The following SSH2 variants were observed in gnomAD, a reference collection of about 807,000 sequenced individuals.
The protein encoded by SSH2 is slingshot protein phosphatase 2, also known as protein phosphatase Slingshot homolog 2.
SSH2 carries 37 observed loss-of-function variants against 135.2 expected under a neutral mutation model. The ratio of observed to expected loss-of-function variants is 0.27; its 90% CI spans 0.21 to 0.36. SSH2 has a LOEUF of 0.36. Ranked by LOEUF, SSH2 falls within the 10% of genes least tolerant of loss-of-function variation. The probability of loss-of-function intolerance (pLI) is 1.00; values close to 1 mark genes in which losing one functional copy is unlikely to be tolerated. For synonymous variants in SSH2, 628 were observed against 646.2 expected (o/e 0.97, Z 0.43); for missense variants, 1,408 against 1,765.3 (o/e 0.80, Z 3.63).
At chr17:29,842,473 A>G (rs76515799) in intron 2 of SSH2, among the ~76,000 whole-genome samples, 58,281 of 147,650 alleles carry the variant, frequency 0.39, 14,075 homozygotes, top group East Asian at 0.69. Context: ...AAAAAAAAAG[A>G]TCATCAGGTG....
At chr17:29,919,670 G>A (rs1316313400) in intron 1 of SSH2, among the ~76,000 whole-genome samples, 1 of 151,602 alleles carries the variant, frequency 6.6e-6, no homozygotes, top group African/African-American at 2.4e-5. Flanking sequence ...TTGGGCAAAG[G>A]GGCTCATCAA....
intron 1 of SSH2, among the ~76,000 whole-genome samples, chr17:29,881,703 T>G (rs997683258): frequency 6.6e-6 from 1 of 152,134 alleles, no homozygotes; most frequent in Admixed American, 6.5e-5. Context: ...GGTTTCACCA[T>G]GTTGACCAGG....
rs541882424 is a variant in SSH2, at chr17:29,691,960, G to A, written c.357+3499C>T. On this transcript the variant is annotated intron_variant, in intron 5 of 15. Transcript: ENST00000540801. ...TCAAGACCAGCCTGGCCAACATGGT[G>A]AAAGCCTGTCTCTACTACAAATACA... 2.6e-5 allele frequency among the ~76,000 whole-genome samples: 4 copies of A among 151,402 alleles called. No homozygotes were observed. In the East Asian group the frequency reaches 7.9e-4, roughly 30 times the overall value.
intron 2 of SSH2, among the ~76,000 whole-genome samples, chr17:29,794,743 A>T (rs1029829072): frequency 6.2e-4 from 94 of 152,216 alleles, no homozygotes; most frequent in Non-Finnish European, 2.2e-4. Flanking sequence ...AGCAAAAGGG[A>T]AATAAGCTGT....
chr17:29,762,953 A>T (rs188138525), intron 3 of SSH2, among the ~76,000 whole-genome samples: 136 of 152,360 alleles, frequency 8.9e-4, no homozygotes, highest in African/African-American at 3.1e-3. Flanking sequence ...AACCAATTAG[A>T]TTAAAATTAG....
chr17:29,892,327 G>A (rs2066365837), intron 1 of SSH2, among the ~76,000 whole-genome samples: 1 of 151,322 alleles, frequency 6.6e-6, no homozygotes, highest in African/African-American at 2.4e-5. Flanking sequence ...ATGCCCCAAA[G>A]TTTATAAACT....
intron 3 of SSH2, among the ~76,000 whole-genome samples, chr17:29,739,838 A>G (rs1361854009): frequency 3.3e-5 from 5 of 152,238 alleles, no homozygotes; most frequent in Non-Finnish European, 7.3e-5. Flanking sequence ...AGCAACACTC[A>G]CACAGAAATC....
intron 1 of SSH2, among the ~76,000 whole-genome samples, chr17:29,915,028 T>A (rs544864139): frequency 5.3e-4 from 80 of 152,300 alleles, no homozygotes; most frequent in Non-Finnish European, 6.8e-4. Context: ...GGAATCAGCA[T>A]AAAAATGCTC....
intron 3 of SSH2, among the ~76,000 whole-genome samples, chr17:29,789,279 C>CA (rs2042024377): frequency 1.3e-5 from 2 of 152,080 alleles, no homozygotes; most frequent in South Asian, 2.1e-4. Context: ...GTGCATATTG[C>CA]AAAAAATGAG....
chr17:29,719,441 G>A (rs1257902474), intron 3 of SSH2, among the ~76,000 whole-genome samples: 1 of 151,710 alleles, frequency 6.6e-6, no homozygotes, highest in East Asian at 1.9e-4. Context: ...GAACCCGAGA[G>A]GTGGAGGTTG....
intron 2 of SSH2, among the ~76,000 whole-genome samples, chr17:29,822,086 C>A (rs1229220560): frequency 6.6e-6 from 1 of 152,164 alleles, no homozygotes; most frequent in Non-Finnish European, 1.5e-5. Flanking sequence ...CAGATGGAAC[C>A]AGATTCATCA....
intron 1 of SSH2, among the ~76,000 whole-genome samples, chr17:29,875,627 A>G (rs977606989): frequency 6.6e-6 from 1 of 152,170 alleles, no homozygotes; most frequent in African/African-American, 2.4e-5. Flanking sequence ...AAAGCCTCAC[A>G]TGATTTCATC....
chr17:29,745,712 CTAAT>C (rs1197599869), intron 3 of SSH2, among the ~76,000 whole-genome samples: 1 of 152,146 alleles, frequency 6.6e-6, no homozygotes, highest in South Asian at 2.1e-4. Flanking sequence ...GTGTGCCACT[CTAAT>C]TATTTCTCCT....
intron 11 of SSH2, among the ~76,000 whole-genome samples, chr17:29,662,292 T>C (rs914325812): frequency 2.0e-5 from 3 of 152,182 alleles, no homozygotes; most frequent in Admixed American, 6.5e-5. Context: ...CCAAGGAAAA[T>C]AGAAGACTAC....
intron 15 of SSH2, among the ~76,000 whole-genome samples, chr17:29,635,406 ACTT>A (rs1414266216): frequency 2.0e-5 from 3 of 150,326 alleles, no homozygotes; most frequent in African/African-American, 4.9e-5. Context: ...GTATCTTTGG[ACTT>A]CTTTTTTTTT....
chr17:29,724,310 C>A (rs888541972), intron 3 of SSH2, among the ~76,000 whole-genome samples: 1 of 152,090 alleles, frequency 6.6e-6, no homozygotes, highest in Admixed American at 6.5e-5. Flanking sequence ...GGGTGGATGG[C>A]CTGAGGTCGG....
At chr17:29,677,468 G>A (rs1376231447) in intron 7 of SSH2, among the ~76,000 whole-genome samples, 6 of 152,040 alleles carry the variant, frequency 3.9e-5, no homozygotes, top group Non-Finnish European at 7.4e-5. Context: ...TACCACAGTC[G>A]GCCTAGAAGA....
chr17:29,830,032 G>A (rs1487204867), intron 2 of SSH2, among the ~76,000 whole-genome samples: 1 of 151,834 alleles, frequency 6.6e-6, no homozygotes, highest in African/African-American at 2.4e-5. Flanking sequence ...GTAGAGATGG[G>A]GTTTCACTGT....
At chr17:29,667,963 T>C (rs1294916878) in intron 9 of SSH2, among the ~76,000 whole-genome samples, 1 of 152,182 alleles carries the variant, frequency 6.6e-6, no homozygotes, top group African/African-American at 2.4e-5. Flanking sequence ...CTCCAATTAT[T>C]AGAAAGGTAG....
Sources: allele counts gnomAD v4.1 joint callset (sites outside exome capture counted in the v4.1 genomes callset), GRCh38; gene constraint gnomAD v4.1.1; transcripts MANE v1.5; gene names NCBI Gene and HGNC (gene_info 2026-07-23, HGNC 2026-07-21).